The following KIZ variants were observed in gnomAD, a reference collection of about 807,000 sequenced individuals.
The protein encoded by KIZ is centrosomal protein kizuna.
A neutral mutation model predicts 79.6 loss-of-function variants in KIZ; 68 were observed. The ratio of observed to expected loss-of-function variants is 0.85; its 90% confidence interval spans 0.70 to 1.05. The LOEUF is 1.05. Among genes scored for constraint, KIZ ranks in the 50% least tolerant of loss-of-function variants. KIZ has a pLI of 0.00. For synonymous variants in KIZ, 280 were observed against 281.8 expected, an observed-to-expected ratio of 0.99 and a Z score of 0.06; for missense variants, 797 against 800.4, an observed-to-expected ratio of 1.00 and a Z score of 0.05.
At chr20:21,172,715 T>C (rs1439278422) in intron 6 of KIZ, among the ~76,000 whole-genome samples, 4 of 152,134 alleles carry the variant, frequency 2.6e-5, no homozygotes, top group Non-Finnish European at 5.9e-5. Flanking sequence ...AAGATGGTAG[T>C]TGAGTAGGAC....
At chr20:21,213,929 CT>C (rs753532440) in intron 7 of KIZ, 2 of 152,338 alleles carry the variant, frequency 1.3e-5, no homozygotes, top group Non-Finnish European at 2.9e-5. Context: ...TGCAGACCAT[CT>C]TAGTACTTGA....
intron 11 of KIZ, among the ~76,000 whole-genome samples, chr20:21,242,854 C>G (rs2037265038): frequency 6.6e-6 from 1 of 152,170 alleles, no homozygotes; most frequent in African/African-American, 2.4e-5. Context: ...ACAGTGCTCT[C>G]CATCCACCCA....
chr20:21,203,816 A>T (rs2035691132), intron 6 of KIZ, among the ~76,000 whole-genome samples: 1 of 152,220 alleles, frequency 6.6e-6, no homozygotes, highest in African/African-American at 2.4e-5. Context: ...AAAACATAAA[A>T]TTAGCCATCT....
At chr20:21,156,041 C>T (rs1215755658) in intron 4 of KIZ, among the ~76,000 whole-genome samples, 1 of 152,216 alleles carries the variant, frequency 6.6e-6, no homozygotes, top group African/African-American at 2.4e-5. Context: ...TCTATTTCAC[C>T]TAACCTTCCT....
At chr20:21,184,436 C>T (rs1292631509) in intron 6 of KIZ, among the ~76,000 whole-genome samples, 1 of 152,222 alleles carries the variant, frequency 6.6e-6, no homozygotes, top group Non-Finnish European at 1.5e-5. Flanking sequence ...AGGCGTGAGC[C>T]ACCACGCCCG....
chr20:21,148,973 AC>A (rs1438436066), intron 4 of KIZ: 2 of 152,250 alleles, frequency 1.3e-5, no homozygotes, highest in African/African-American at 4.8e-5. Flanking sequence ...ACTGGTAGTA[AC>A]AATGGGTAAT....
At chr20:21,173,482 C>T (rs562056118) in intron 6 of KIZ, among the ~76,000 whole-genome samples, 2 of 150,152 alleles carry the variant, frequency 1.3e-5, no homozygotes, top group East Asian at 4.0e-4. Flanking sequence ...GGAGGCTGAG[C>T]CAGGAGAATT....
Position 21,163,174 on chromosome 20 carries a change from T to G in KIZ, c.1352+15T>G. 1 of 1,566,348 alleles carries G rather than the reference T, an allele frequency of 6.4e-7. No individual in the cohort carries two copies. On this transcript the variant is annotated intron_variant, in intron 6 of 12. Coordinates refer to ENST00000619189, the MANE Select transcript of KIZ (RefSeq NM_018474.6). Reference sequence around the variant, plus strand: ...CCAACAAGAGAGTAAGCCATTCAATTTTTTTTTTCTACTGTTCTGTTTTTA... The same window carrying G: ...CCAACAAGAGAGTAAGCCATTCAATGTTTTTTTTCTACTGTTCTGTTTTTA...
intron 6 of KIZ, among the ~76,000 whole-genome samples, chr20:21,165,684 G>A (rs958978004): frequency 6.6e-6 from 1 of 152,218 alleles, no homozygotes; most frequent in African/African-American, 2.4e-5. Context: ...CTGGGAGTCT[G>A]ATGGATTTTA....
intron 6 of KIZ, among the ~76,000 whole-genome samples, chr20:21,181,501 C>T (rs1407105879): frequency 6.6e-6 from 1 of 151,898 alleles, no homozygotes; most frequent in East Asian, 1.9e-4. Context: ...CTCTGTCACC[C>T]ATACCAGAGT....
intron 7 of KIZ, among the ~76,000 whole-genome samples, chr20:21,206,336 C>T (rs919400872): frequency 1.7e-4 from 26 of 152,058 alleles, no homozygotes; most frequent in African/African-American, 5.3e-4. Flanking sequence ...AAGAAAATGT[C>T]AAAAATGTGG....
At chr20:21,139,840 A>G (rs2122424676) in intron 3 of KIZ, among the ~76,000 whole-genome samples, 1 of 152,326 alleles carries the variant, frequency 6.6e-6, no homozygotes, top group East Asian at 1.9e-4. Context: ...TTCAAAAATT[A>G]TGTAGGTGTT....
intron 11 of KIZ, among the ~76,000 whole-genome samples, chr20:21,236,850 A>G (rs931046913): frequency 5.9e-5 from 9 of 151,928 alleles, no homozygotes; most frequent in African/African-American, 2.2e-4. Flanking sequence ...TACAAAAAAA[A>G]TTAGCCAGGT....
chr20:21,174,770 A>C (rs1057481679), intron 6 of KIZ, among the ~76,000 whole-genome samples: 1 of 152,258 alleles, frequency 6.6e-6, no homozygotes, highest in Non-Finnish European at 1.5e-5. Context: ...GTGATCACAC[A>C]GATTGAATCC....
chr20:21,152,793 A>G (rs186784433), intron 4 of KIZ, among the ~76,000 whole-genome samples: 12 of 152,336 alleles, frequency 7.9e-5, no homozygotes, highest in African/African-American at 2.9e-4. Flanking sequence ...CTTGAAGCTC[A>G]TACCTGCTTT....
chr20:21,133,817 C>T lies in KIZ; in HGVS notation c.152+1658C>T, dbSNP rs191345656. Among the ~76,000 whole-genome samples, 6 of 152,336 alleles carry T rather than the reference C, an allele frequency of 3.9e-5. No homozygotes were observed. The East Asian group carries it at 1.2e-3, about 29-fold the overall frequency. Reference sequence around the variant, plus strand: ...TGTTCACTGCAGTGAGCACCTGGGGCTCAGTCCCTCCAGACCTTCAGAGGA... The same window carrying T: ...TGTTCACTGCAGTGAGCACCTGGGGTTCAGTCCCTCCAGACCTTCAGAGGA... On this transcript the variant is annotated intron_variant, in intron 2 of 12. Coordinates refer to ENST00000619189, the MANE Select transcript of KIZ (RefSeq NM_018474.6).
At chr20:21,141,248 G>T (rs79733715) in intron 3 of KIZ, among the ~76,000 whole-genome samples, 1 of 152,070 alleles carries the variant, frequency 6.6e-6, no homozygotes, top group Non-Finnish European at 1.5e-5. Flanking sequence ...GGATTTGACG[G>T]TAAGTGGTTG....
chr20:21,145,442 C>T, intron 3 of KIZ, 123 bp from the exon 4 acceptor site: 1 of 406,298 alleles, frequency 2.5e-6, no homozygotes, highest in Non-Finnish European at 4.5e-6. Flanking sequence ...AGGTGAATTT[C>T]TTGGCAACAT....
intron 4 of KIZ, chr20:21,151,237 A>T (rs1265662553): frequency 6.6e-6 from 1 of 152,180 alleles, no homozygotes; most frequent in Non-Finnish European, 1.5e-5. Flanking sequence ...GGAAGAAAGG[A>T]TTTACTTAGG....
Sources: gnomAD v4.1 joint callset for allele counts (sites outside exome capture counted in the v4.1 genomes callset) on GRCh38, gnomAD v4.1.1 for gene constraint, MANE v1.5 for transcripts, NCBI Gene and HGNC (gene_info 2026-07-23, HGNC 2026-07-21) for gene names.